The following ERICH3 variants were observed in gnomAD, a reference collection of about 807,000 sequenced individuals.
ERICH3 encodes glutamate rich 3.
ERICH3 carries 126 observed loss-of-function variants against 131.1 expected under a neutral mutation model. The ratio of observed to expected loss-of-function variants is 0.96; its 90% CI spans 0.83 to 1.11. ERICH3 has a LOEUF of 1.11. Among genes scored for constraint, ERICH3 ranks in the 50% most tolerant of loss-of-function variants. ERICH3 has a pLI of 0.00. For missense variants in ERICH3, 2,050 were observed against 1,810.7 expected (o/e 1.13, Z -2.40); for synonymous variants, 695 against 644.6 (o/e 1.08, Z -1.18).
At chr1:74,583,394 C>T (rs1647213794) in intron 12 of ERICH3, among the ~76,000 whole-genome samples, 1 of 151,990 alleles carries the variant, frequency 6.6e-6, no homozygotes, top group African/African-American at 2.4e-5. Context: ...AAATTAAGTA[C>T]ATAAGAGATT....
chr1:74,665,947 T>G (rs1351637424), intron 1 of ERICH3, among the ~76,000 whole-genome samples: 1 of 152,158 alleles, frequency 6.6e-6, no homozygotes, highest in Non-Finnish European at 1.5e-5. Flanking sequence ...ATCATGGATT[T>G]AGACAGAAGA....
At chr1:74,591,091 T>C (rs1219124679) in intron 11 of ERICH3, among the ~76,000 whole-genome samples, 1 of 152,206 alleles carries the variant, frequency 6.6e-6, no homozygotes, top group Non-Finnish European at 1.5e-5. Context: ...GTAAGATCTG[T>C]GTATTTGGCC....
intron 14 of ERICH3, 136 bp from the exon 15 acceptor site, chr1:74,570,575 A>C (rs965383031): frequency 3.3e-5 from 5 of 152,340 alleles, no homozygotes; most frequent in African/African-American, 1.2e-4. Context: ...TCGACTCTTC[A>C]AGATTTATAT....
At chr1:74,657,348 G>C (rs560028895) in intron 1 of ERICH3, among the ~76,000 whole-genome samples, 1 of 152,182 alleles carries the variant, frequency 6.6e-6, no homozygotes, top group African/African-American at 2.4e-5. Flanking sequence ...CTTGATGAAA[G>C]ACAAATATAG....
At chr1:74,654,730 G>C (rs927820023) in intron 1 of ERICH3, among the ~76,000 whole-genome samples, 2 of 152,020 alleles carry the variant, frequency 1.3e-5, no homozygotes, top group East Asian at 3.9e-4. Context: ...TATGAATTTT[G>C]GGGAGACACA....
At chr1:74,621,004 T>C in intron 7 of ERICH3, 90 bp from the exon 8 acceptor site, 1 of 1,120,972 alleles carries the variant, frequency 8.9e-7, no homozygotes, top group Non-Finnish European at 1.2e-6. Context: ...ATAAAGAAGG[T>C]TATTTTTAAG....
rs1415739841 is a variant in ERICH3 at position 74,599,832 on chromosome 1, G to T, written c.1589C>A (p.Pro530His). Residue 530 changes from proline (P) to histidine (H), a missense_variant, in exon 11 of 15, where the codon CCT becomes CAT. Pro to His is a moderately conservative substitution (Grantham distance 77, BLOSUM62 -2). Transcript: ENST00000326665. The stretch of plus-strand genomic sequence containing the variant: ...TAAATTATCTTTTTTATCATCCAAA[G>T]GTGACTGCGGTATTCCATTCATTTG... Reference protein sequence around the residue: ...DVQMNGIPQSPLDDKKDNLDP... With the variant: ...DVQMNGIPQSHLDDKKDNLDP... The T allele has an allele frequency of 5.6e-6, 9 of 1,612,142 alleles. No homozygotes were observed. The highest frequency in any genetic ancestry group is 1.3e-5 in the African/African-American group (1 of 74,718).
At chr1:74,671,559 G>T (rs915598005) in intron 1 of ERICH3, among the ~76,000 whole-genome samples, 27 of 152,140 alleles carry the variant, frequency 1.8e-4, no homozygotes, top group Non-Finnish European at 3.5e-4. Context: ...GACACTCATG[G>T]AAAATATAAA....
chr1:74,573,787 A>C (rs17095608), intron 13 of ERICH3, among the ~76,000 whole-genome samples: 2,462 of 151,814 alleles, frequency 0.016, 79 homozygotes, highest in African/African-American at 0.056. Context: ...AGCAATAAGC[A>C]AAAAAAATCT....
intron 5 of ERICH3, among the ~76,000 whole-genome samples, chr1:74,640,403 C>G (rs900454258): frequency 1.3e-5 from 2 of 152,118 alleles, no homozygotes; most frequent in Non-Finnish European, 2.9e-5. Flanking sequence ...AACATATTTA[C>G]CCTTTGAAAA....
At chr1:74,668,760 G>T (rs1205054657) in intron 1 of ERICH3, among the ~76,000 whole-genome samples, 2 of 152,122 alleles carry the variant, frequency 1.3e-5, no homozygotes, top group Non-Finnish European at 2.9e-5. Flanking sequence ...AAATAAGCCT[G>T]TGCAATTCAA....
At chr1:74,648,081 G>A (rs1557698991) in intron 2 of ERICH3, among the ~76,000 whole-genome samples, 8 of 152,072 alleles carry the variant, frequency 5.3e-5, no homozygotes, top group Admixed American at 4.6e-4. Context: ...ATTTTCTGTA[G>A]GGTTTCTGGG....
chr1:74,593,013 A>G (rs1647679864), intron 11 of ERICH3, among the ~76,000 whole-genome samples: 1 of 152,144 alleles, frequency 6.6e-6, no homozygotes, highest in African/African-American at 2.4e-5. Context: ...ATTATCTTGG[A>G]AGCATGTTGA....
chr1:74,648,447 G>C (rs1162674136), intron 2 of ERICH3, among the ~76,000 whole-genome samples: 1 of 152,054 alleles, frequency 6.6e-6, no homozygotes, highest in Admixed American at 6.6e-5. Flanking sequence ...TGGCAAGCTC[G>C]GTTTCAGCCA....
rs753983133 is a variant in ERICH3 at position 74,572,117 on chromosome 1, C to A, written c.3593G>T (p.Ser1198Ile). 1 of 1,614,244 alleles carries A rather than the reference C, an allele frequency of 6.2e-7. No individual in the cohort carries two copies. The highest frequency in any genetic ancestry group is 1.7e-5 in the Admixed American group (1 of 60,036). The part of the protein sequence containing the change: ...TEHKDREELS[S>I]RENRALKEGH... ...TTCCTTCAGGGCCCTATTCTCCCTG[C>A]TGGACAGCTCTTCTCTGTCTTTGTG... The change falls in exon 14 of 15, where the codon AGC becomes ATC. Residue 1198 changes from serine to isoleucine, a missense_variant. By Grantham distance (142) the Ser-to-Ile change is moderately radical. Coordinates refer to ENST00000326665, the MANE Select transcript of ERICH3 (RefSeq NM_001002912.5).
intron 13 of ERICH3, among the ~76,000 whole-genome samples, chr1:74,575,749 C>T (rs746139102): frequency 2.6e-5 from 4 of 152,120 alleles, no homozygotes; most frequent in African/African-American, 7.2e-5. Flanking sequence ...AATAAAATTG[C>T]CTAGCCACCA....
At chr1:74,606,191 C>T (rs2100587500) in intron 10 of ERICH3, among the ~76,000 whole-genome samples, 1 of 152,012 alleles carries the variant, frequency 6.6e-6, no homozygotes, top group African/African-American at 2.4e-5. Flanking sequence ...TTATGGCATA[C>T]TCTATCACCA....
intron 12 of ERICH3, among the ~76,000 whole-genome samples, chr1:74,583,206 TG>T (rs1647209753): frequency 6.6e-6 from 1 of 152,104 alleles, no homozygotes; most frequent in African/African-American, 2.4e-5. Context: ...CTGTATATCT[TG>T]GGGGCTTCAG....
chr1:74,579,721 T>A (rs1458950959), intron 12 of ERICH3: 3 of 985,280 alleles, frequency 3.0e-6, no homozygotes, highest in Admixed American at 6.2e-5. Context: ...GGACTGTGCA[T>A]GCTGAGACTC....
Sources: allele counts gnomAD v4.1 joint callset (sites outside exome capture counted in the v4.1 genomes callset), GRCh38; gene constraint gnomAD v4.1.1; transcripts MANE v1.5; gene names NCBI Gene and HGNC (gene_info 2026-07-23, HGNC 2026-07-21).